The following MAGI2 variants were observed in gnomAD, a reference collection of about 807,000 sequenced individuals.
The protein encoded by MAGI2 is membrane-associated guanylate kinase, WW and PDZ domain-containing protein 2.
MAGI2 carries 35 observed loss-of-function variants against 133.3 expected under a neutral mutation model. That is an observed-to-expected ratio of 0.26 (90% CI 0.20 to 0.35). The LOEUF is 0.35. Ranked by LOEUF, MAGI2 falls within the 10% of genes least tolerant of loss-of-function variation. The pLI is 1.00. For missense variants in MAGI2, 1,636 were observed against 1,863.4 expected, an observed-to-expected ratio of 0.88 and a Z score of 2.25; for synonymous variants, 729 against 710.6, an observed-to-expected ratio of 1.03 and a Z score of -0.41.
Position 78,201,793 on chromosome 7 carries a change from ATGTTTGT to A in MAGI2, c.2048-607_2048-601del, listed in dbSNP as rs1447566453. ...AGACATTTTGTGTGAAGAGCTCAAA[ATGTTTGT>A]TACTTGAATGAATCATGTATCATGG... is the stretch of plus-strand genomic sequence containing the variant. On this transcript the variant is annotated intron_variant, in intron 10 of 21. Transcript: ENST00000354212. Among the ~76,000 whole-genome samples, 3 of 152,266 alleles carry A rather than the reference ATGTTTGT, an allele frequency of 2.0e-5. No homozygotes were observed. In the East Asian group the frequency reaches 5.8e-4, roughly 29 times the overall value.
chr7:78,391,364 A>G (rs1478731908), intron 6 of MAGI2, among the ~76,000 whole-genome samples: 1 of 120,086 alleles, frequency 8.3e-6, no homozygotes, highest in Non-Finnish European at 1.9e-5. Context: ...TAGAAGAGAA[A>G]CATTTAGAAA....
chr7:78,529,277 G>T (rs374804163), intron 3 of MAGI2, among the ~76,000 whole-genome samples: 28 of 152,276 alleles, frequency 1.8e-4, no homozygotes, highest in African/African-American at 6.7e-4. Flanking sequence ...TTTGCTAAAT[G>T]TAATTGTCCA....
chr7:78,108,020 G>A (rs1006128265), intron 20 of MAGI2, among the ~76,000 whole-genome samples: 1 of 151,264 alleles, frequency 6.6e-6, no homozygotes, highest in Non-Finnish European at 1.5e-5. Flanking sequence ...CTAATTTTGG[G>A]TTTGATTTTG....
intron 9 of MAGI2, among the ~76,000 whole-genome samples, chr7:78,258,244 T>C (rs1171711319): frequency 2.0e-5 from 3 of 152,224 alleles, no homozygotes; most frequent in Non-Finnish European, 4.4e-5. Flanking sequence ...CTCACTGTTA[T>C]TATAATTCCT....
intron 4 of MAGI2, among the ~76,000 whole-genome samples, chr7:78,515,831 G>A (rs946062726): frequency 1.3e-5 from 2 of 150,770 alleles, no homozygotes; most frequent in African/African-American, 2.4e-5. Flanking sequence ...CACGGGAAGC[G>A]GAGGTTTTGG....
intron 1 of MAGI2, among the ~76,000 whole-genome samples, chr7:79,187,235 A>G (rs1348908118): frequency 2.0e-5 from 3 of 151,908 alleles, no homozygotes; most frequent in Admixed American, 2.0e-4. Context: ...AAGAAGTATT[A>G]TTTTAATTCT....
intron 6 of MAGI2, among the ~76,000 whole-genome samples, chr7:78,401,187 C>CA (rs34587769): frequency 1.0e-3 from 153 of 148,566 alleles, no homozygotes; most frequent in Non-Finnish European, 1.2e-3. Context: ...CACCAACAAC[C>CA]AAAAAAAAAA....
At chr7:79,387,197 T>C (rs56011939) in intron 1 of MAGI2, among the ~76,000 whole-genome samples, 22,542 of 151,340 alleles carry the variant, frequency 0.15, 1,868 homozygotes, top group East Asian at 0.29. Flanking sequence ...CTGGGTATGA[T>C]TCAAGTCTTA....
chr7:79,363,316 GTA>G (rs1481301827), intron 1 of MAGI2, among the ~76,000 whole-genome samples: 9 of 146,702 alleles, frequency 6.1e-5, no homozygotes, highest in African/African-American at 2.2e-4. Flanking sequence ...CACGAACAGA[GTA>G]TGTCTCTGTA....
intron 4 of MAGI2, among the ~76,000 whole-genome samples, chr7:78,515,719 G>A (rs1025770086): frequency 6.6e-6 from 1 of 152,092 alleles, no homozygotes; most frequent in African/African-American, 2.4e-5. Context: ...TGACCAAATG[G>A]AGAAACCCCA....
chr7:78,428,478 G>T (rs1033231362), intron 6 of MAGI2, among the ~76,000 whole-genome samples: 1 of 152,146 alleles, frequency 6.6e-6, no homozygotes, highest in African/African-American at 2.4e-5. Context: ...GCTAGAAAGT[G>T]AAGATAAAAA....
At chr7:79,266,922 G>A (rs948426185) in intron 1 of MAGI2, among the ~76,000 whole-genome samples, 12 of 152,070 alleles carry the variant, frequency 7.9e-5, no homozygotes, top group Non-Finnish European at 1.2e-4. Flanking sequence ...ACTCCTACCA[G>A]ATGGAAAATG....
chr7:78,469,231 C>T (rs1021537296), intron 6 of MAGI2, among the ~76,000 whole-genome samples: 6 of 152,122 alleles, frequency 3.9e-5, no homozygotes, highest in Admixed American at 3.9e-4. Context: ...TAACTGACTA[C>T]TATTCATGAA....
chr7:78,932,546 G>T (rs1449096666), intron 2 of MAGI2, among the ~76,000 whole-genome samples: 1 of 151,896 alleles, frequency 6.6e-6, no homozygotes, highest in African/African-American at 2.4e-5. Context: ...TAAAATTAAG[G>T]TCTCAATCAT....
intron 18 of MAGI2, among the ~76,000 whole-genome samples, chr7:78,131,642 A>G (rs1355144114): frequency 3.3e-5 from 5 of 152,202 alleles, no homozygotes; most frequent in Non-Finnish European, 5.9e-5. Context: ...AGAAAGCATC[A>G]TGGGAACATG....
intron 1 of MAGI2, among the ~76,000 whole-genome samples, chr7:79,445,713 T>C (rs1848804636): frequency 6.6e-6 from 1 of 152,242 alleles, no homozygotes. Context: ...TTTACACTGT[T>C]GGTGGGACTG....
chr7:79,155,975 C>T (rs879627319), intron 1 of MAGI2, among the ~76,000 whole-genome samples: 3 of 152,098 alleles, frequency 2.0e-5, no homozygotes, highest in Non-Finnish European at 4.4e-5. Context: ...TGAATGCTAA[C>T]ATTTGGTATA....
intron 3 of MAGI2, among the ~76,000 whole-genome samples, chr7:78,624,488 C>T (rs1252122148): frequency 6.6e-6 from 1 of 152,096 alleles, no homozygotes; most frequent in Non-Finnish European, 1.5e-5. Context: ...GAGATCATGT[C>T]CTTTGCAGGG....
At chr7:78,037,762 T>C (rs973610041) in intron 21 of MAGI2, among the ~76,000 whole-genome samples, 6 of 152,200 alleles carry the variant, frequency 3.9e-5, no homozygotes, top group Non-Finnish European at 5.9e-5. Flanking sequence ...AGAGTGTCAG[T>C]GCAGCACCCC....
Sources: gnomAD v4.1 joint callset for allele counts (sites outside exome capture counted in the v4.1 genomes callset) on GRCh38, gnomAD v4.1.1 for gene constraint, MANE v1.5 for transcripts, NCBI Gene and HGNC (gene_info 2026-07-23, HGNC 2026-07-21) for gene names.